SND1: variants seen among roughly 807,000 people sequenced by gnomAD.
The protein encoded by SND1 is staphylococcal nuclease domain-containing protein 1.
SND1 carries 38 observed loss-of-function variants against 121.7 expected under a neutral mutation model. The observed-to-expected ratio is 0.31, with a 90% confidence interval of 0.24 to 0.41. SND1 has a LOEUF of 0.41. SND1 is among the 10% of genes least tolerant of loss of function. SND1 has a pLI of 1.00. For missense variants in SND1, 868 were observed against 1,184.6 expected (o/e 0.73, Z 3.92); for synonymous variants, 401 against 447.4 (o/e 0.90, Z 1.31).
At chr7:127,876,331 A>G (rs1487837126) in intron 12 of SND1, among the ~76,000 whole-genome samples, 5 of 152,156 alleles carry the variant, frequency 3.3e-5, no homozygotes, top group South Asian at 2.1e-4. Flanking sequence ...GAGACCAGGT[A>G]TGGGAGGCTG....
In SND1 at chr7:127,912,882, A is replaced by G. The variant is rs76324066; in HGVS notation, c.1527+8063A>G. Among the ~76,000 whole-genome samples, 55 of 152,150 alleles carry G rather than the reference A, an allele frequency of 3.6e-4. 1 individual carries two copies. The East Asian group carries it at 9.3e-3, about 26-fold the overall frequency. ...ACAATAATTTGGTTGTGAAAGTTCT[A>G]AAAAAAAGAAAAATTTAGAAAGTGA... On this transcript the variant is annotated intron_variant, in intron 14 of 23. Transcript: ENST00000354725.
At chr7:127,659,918 A>T (rs1795278471) in intron 1 of SND1, among the ~76,000 whole-genome samples, 1 of 152,148 alleles carries the variant, frequency 6.6e-6, no homozygotes, top group African/African-American at 2.4e-5. Context: ...TCATTTAGGC[A>T]TGCTGAAACA....
intron 16 of SND1, among the ~76,000 whole-genome samples, chr7:128,061,763 G>A (rs1010286392): frequency 3.3e-5 from 5 of 152,252 alleles, no homozygotes; most frequent in African/African-American, 7.2e-5. Context: ...CTTATTTCAC[G>A]TGTATGTGTT....
At chr7:127,791,373 T>C (rs1369113800) in intron 10 of SND1, among the ~76,000 whole-genome samples, 1 of 152,168 alleles carries the variant, frequency 6.6e-6, no homozygotes, top group Non-Finnish European at 1.5e-5. Flanking sequence ...GGCTGGTTTC[T>C]AACTCTTGGG....
intron 13 of SND1, among the ~76,000 whole-genome samples, chr7:127,888,567 C>G (rs921553481): frequency 2.6e-5 from 4 of 152,120 alleles, no homozygotes; most frequent in African/African-American, 9.7e-5. Flanking sequence ...CTGGTTGCCC[C>G]AAGGACATGC....
chr7:127,713,217 C>G (rs573100029), intron 9 of SND1, among the ~76,000 whole-genome samples: 1 of 152,328 alleles, frequency 6.6e-6, no homozygotes, highest in South Asian at 2.1e-4. Context: ...TGGCAATATT[C>G]CAGGAAAACT....
In SND1 at chr7:128,017,693, G is replaced by T. The variant is rs186564347; in HGVS notation, c.1779+26637G>T. On this transcript the variant is annotated intron_variant, in intron 16 of 23. Coordinates refer to ENST00000354725, the MANE Select transcript of SND1 (RefSeq NM_014390.4). The stretch of plus-strand genomic sequence containing the variant: ...TCCAGCAGCAGCACCACTCGGGGAG[G>T]GGGGGCAAACTCTTTACCCTTGTGG... 5.9e-5 allele frequency among the ~76,000 whole-genome samples: 9 copies of T among 152,306 alleles called. No homozygotes were observed. In the South Asian group the frequency reaches 6.2e-4, roughly 11 times the overall value.
intron 11 of SND1, among the ~76,000 whole-genome samples, chr7:127,839,282 T>G (rs1437451197): frequency 3.3e-5 from 5 of 151,948 alleles, no homozygotes; most frequent in African/African-American, 7.3e-5. Context: ...AGAGACAAGG[T>G]GTTTATTTAG....
intron 10 of SND1, among the ~76,000 whole-genome samples, chr7:127,772,423 A>AACAC (rs146917979): frequency 2.0e-5 from 3 of 151,978 alleles, no homozygotes; most frequent in African/African-American, 2.4e-5. Flanking sequence ...CGATCTTTAA[A>AACAC]ACACACACAC....
intron 16 of SND1, among the ~76,000 whole-genome samples, chr7:128,035,149 CCT>C (rs1792724680): frequency 6.6e-6 from 1 of 152,220 alleles, no homozygotes; most frequent in Non-Finnish European, 1.5e-5. Flanking sequence ...GATTGGGATA[CCT>C]GAGTTCTAGT....
chr7:127,656,982 T>TA (rs1471025462), intron 1 of SND1, among the ~76,000 whole-genome samples: 8 of 152,228 alleles, frequency 5.3e-5, no homozygotes. Context: ...ATCAAGATTG[T>TA]AAGTAAAGGA....
intron 12 of SND1, among the ~76,000 whole-genome samples, chr7:127,867,746 T>C (rs1304380516): frequency 6.6e-6 from 1 of 152,144 alleles, no homozygotes; most frequent in East Asian, 1.9e-4. Flanking sequence ...ATCCATTTTC[T>C]ACATTACTGC....
At chr7:127,956,332 T>C (rs1801591097) in intron 15 of SND1, among the ~76,000 whole-genome samples, 1 of 152,222 alleles carries the variant, frequency 6.6e-6, no homozygotes, top group African/African-American at 2.4e-5. Context: ...CAATTGCCCC[T>C]GCATTTATAG....
intron 15 of SND1, among the ~76,000 whole-genome samples, chr7:127,963,463 C>T (rs1159356251): frequency 7.5e-6 from 1 of 133,534 alleles, no homozygotes; most frequent in Admixed American, 7.8e-5. Context: ...TCCATGTGAT[C>T]TCATTGTTCA....
chr7:127,812,199 C>G (rs923226603), intron 11 of SND1, among the ~76,000 whole-genome samples: 1 of 152,128 alleles, frequency 6.6e-6, no homozygotes, highest in Non-Finnish European at 1.5e-5. Context: ...TAGACAGGGT[C>G]GTGGTATTTT....
At chr7:127,797,660 G>T (rs1227265299) in intron 10 of SND1, among the ~76,000 whole-genome samples, 18 of 152,252 alleles carry the variant, frequency 1.2e-4, no homozygotes. Context: ...TCTTCAGTGG[G>T]TGTGGGAGCC....
chr7:127,717,533 T>C (rs1319899872), intron 9 of SND1, among the ~76,000 whole-genome samples: 1 of 152,148 alleles, frequency 6.6e-6, no homozygotes, highest in Non-Finnish European at 1.5e-5. Context: ...ATTGTTGTGG[T>C]TTGTTTTTGT....
chr7:127,685,002 G>A (rs983030063), intron 1 of SND1, among the ~76,000 whole-genome samples: 9 of 152,068 alleles, frequency 5.9e-5, no homozygotes, highest in African/African-American at 2.2e-4. Context: ...TGATATATTC[G>A]TACAAAATCC....
intron 15 of SND1, among the ~76,000 whole-genome samples, chr7:127,973,764 T>A (rs1802054525): frequency 6.6e-6 from 1 of 152,240 alleles, no homozygotes; most frequent in Admixed American, 6.5e-5. Flanking sequence ...AGACACCATA[T>A]TACTCCCCCT....
Sources: allele counts gnomAD v4.1 joint callset (sites outside exome capture counted in the v4.1 genomes callset), GRCh38; gene constraint gnomAD v4.1.1; transcripts MANE v1.5; gene names NCBI Gene and HGNC (gene_info 2026-07-23, HGNC 2026-07-21).